The following CCDC198 variants were observed in gnomAD, a reference collection of about 807,000 sequenced individuals.
The protein encoded by CCDC198 is factor associated with metabolism and energy.
CCDC198 carries 18 observed loss-of-function variants against 35.6 expected under a neutral mutation model. The ratio of observed to expected loss-of-function variants is 0.51; its 90% CI spans 0.35 to 0.75. CCDC198 has a LOEUF of 0.75. Ranked by LOEUF, CCDC198 falls within the 30% of genes least tolerant of loss-of-function variation. The probability of loss-of-function intolerance (pLI) is 0.01; values close to 1 mark genes in which losing one functional copy is unlikely to be tolerated. For synonymous variants in CCDC198, 119 were observed against 113.4 expected (o/e 1.05, Z -0.31); for missense variants, 365 against 343.7 (o/e 1.06, Z -0.49).
intron 5 of CCDC198, among the ~76,000 whole-genome samples, chr14:57,473,922 T>A (rs956725221): frequency 6.6e-6 from 1 of 152,164 alleles, no homozygotes; most frequent in African/African-American, 2.4e-5. Flanking sequence ...ACTGCAGGAC[T>A]TTTGCACATG....
intron 2 of CCDC198, among the ~76,000 whole-genome samples, chr14:57,484,230 T>G (rs1203344689): frequency 6.6e-6 from 1 of 152,172 alleles, no homozygotes; most frequent in Non-Finnish European, 1.5e-5. Context: ...TTAGTTAAGA[T>G]GAAGTCATGC....
chr14:57,478,188 C>T lies in CCDC198; in HGVS notation c.655+2407G>A, dbSNP rs572845313. 9.8e-5 allele frequency among the ~76,000 whole-genome samples: 15 copies of T among 152,316 alleles called. 1 individual carries two copies. The highest frequency in any genetic ancestry group is 2.2e-4 in the African/African-American group (9 of 41,568). On this transcript the variant is annotated intron_variant, in intron 5 of 5. Coordinates refer to ENST00000216445, the MANE Select transcript of CCDC198 (RefSeq NM_018168.4). ...CTGCTTTAACTTTCCTTTCAGAAGT[C>T]GCAGAGTGCAGCCTTCTTTGTAAAT...
Position 57,489,788 on chromosome 14 carries a change from T to C in CCDC198, c.306+1201A>G, listed in dbSNP as rs141010336. ...ACAAATATTTTTTACTAGAGTAATA[T>C]CTTCTATTTGAACTAATCAGCTTAG... On this transcript the variant is annotated intron_variant, in intron 2 of 5. Transcript: ENST00000216445. Among the ~76,000 whole-genome samples the C allele has an allele frequency of 4.9e-4, 74 of 152,252 alleles. 1 individual carries two copies. Among genetic ancestry groups the C allele is most frequent in the African/African-American group, 1.6e-3 (67 of 41,578 alleles).
chr14:57,490,421 C>T (rs908882111), intron 2 of CCDC198, among the ~76,000 whole-genome samples: 6 of 152,056 alleles, frequency 3.9e-5, no homozygotes, highest in African/African-American at 1.2e-4. Flanking sequence ...ACATCTAGAA[C>T]AATAAAAGGT....
In CCDC198 at chr14:57,493,647, T is replaced by C; in HGVS notation, c.69A>G (p.Val23=). 6.2e-7 allele frequency: 1 copy of C among 1,613,930 alleles called. No homozygotes were observed. The highest frequency in any genetic ancestry group is 2.2e-5 in the East Asian group (1 of 44,878). The change falls in exon 1 of 6, where the codon GTA becomes GTG. Residue 23 remains valine (V), a synonymous_variant. Coordinates refer to ENST00000216445, the MANE Select transcript of CCDC198 (RefSeq NM_018168.4). ...CCACACGGCCAGCCGAGGGAGTCTC[T>C]ACCTCTTTGTTTTGCAAAGGTGCTA... ...IKVAPLQNKE[V]ETPSAGRVDF...
At chr14:57,480,232 C>T in intron 5 of CCDC198, 1 of 984,182 alleles carries the variant, frequency 1.0e-6, no homozygotes, top group Non-Finnish European at 1.2e-6. Context: ...TCTGCTGAAG[C>T]AAATTTGCCA....
chr14:57,480,551 A>G, intron 5 of CCDC198, 44 bp downstream of exon 5: 5 of 1,598,580 alleles, frequency 3.1e-6, no homozygotes, highest in Non-Finnish European at 4.3e-6. Context: ...ATGAAGTTTT[A>G]AAAACACTTG....
intron 5 of CCDC198, chr14:57,480,231 G>A: frequency 1.0e-6 from 1 of 983,642 alleles, no homozygotes. Context: ...CTCTGCTGAA[G>A]CAAATTTGCC....
intron 1 of CCDC198, 138 bp from the exon 2 acceptor site, chr14:57,491,209 G>T: frequency 1.3e-6 from 1 of 799,100 alleles, no homozygotes; most frequent in Non-Finnish European, 1.9e-6. Flanking sequence ...TGGGTTGAAT[G>T]TGGAGATGAA....
chr14:57,486,512 A>G (rs892982795), intron 2 of CCDC198, among the ~76,000 whole-genome samples: 1 of 151,804 alleles, frequency 6.6e-6, no homozygotes, highest in African/African-American at 2.4e-5. Flanking sequence ...TTCACTAGAG[A>G]TTGAGATTCA....
rs1594799514 is a variant in CCDC198, at chr14:57,482,030, C to G, written c.394-370G>C. Among the ~76,000 whole-genome samples, 3 of 152,288 alleles carry G rather than the reference C, an allele frequency of 2.0e-5. No homozygotes were observed. The East Asian group carries it at 5.8e-4, about 29-fold the overall frequency. On this transcript the variant is annotated intron_variant, in intron 3 of 5. Coordinates refer to ENST00000216445, the MANE Select transcript of CCDC198 (RefSeq NM_018168.4). ...GAGGAAACCTTTCTTTTTCTCCCTG[C>G]CTCTTTTACCATTGAGTAATTGGCT... is the stretch of plus-strand genomic sequence containing the variant.
chr14:57,489,765 A>C (rs992666018), intron 2 of CCDC198, among the ~76,000 whole-genome samples: 2 of 152,156 alleles, frequency 1.3e-5, no homozygotes, highest in Admixed American at 1.3e-4. Context: ...AGTACTAGAC[A>C]AATATTTTTT....
At chr14:57,493,105 A>G (rs916017936) in intron 1 of CCDC198, among the ~76,000 whole-genome samples, 1 of 152,288 alleles carries the variant, frequency 6.6e-6, no homozygotes, top group South Asian at 2.1e-4. Flanking sequence ...ATTAAACTAT[A>G]CTGGAGAGAA....
At chr14:57,488,680 G>T in intron 2 of CCDC198, among the ~76,000 whole-genome samples, 1 of 151,906 alleles carries the variant, frequency 6.6e-6, no homozygotes, top group East Asian at 1.9e-4. Context: ...AAATTTACAA[G>T]GAAAAAACAA....
intron 2 of CCDC198, among the ~76,000 whole-genome samples, chr14:57,489,785 A>G (rs1262703961): frequency 6.6e-6 from 1 of 152,266 alleles, no homozygotes; most frequent in Middle Eastern, 3.4e-3. Flanking sequence ...TACTAGAGTA[A>G]TATCTTCTAT....
intron 5 of CCDC198, among the ~76,000 whole-genome samples, chr14:57,472,743 G>T (rs1257865548): frequency 6.6e-6 from 1 of 152,124 alleles, no homozygotes; most frequent in East Asian, 1.9e-4. Flanking sequence ...ATTTACCTTA[G>T]TTTTTTATTT....
intron 5 of CCDC198, 51 bp downstream of exon 5, chr14:57,480,544 A>G (rs914030356): frequency 6.3e-7 from 1 of 1,591,476 alleles, no homozygotes; most frequent in African/African-American, 1.4e-5. Flanking sequence ...TTATTTGATG[A>G]AGTTTTAAAA....
chr14:57,483,789 T>G (rs2067266600), intron 2 of CCDC198, among the ~76,000 whole-genome samples: 2 of 152,024 alleles, frequency 1.3e-5, no homozygotes, highest in African/African-American at 4.8e-5. Flanking sequence ...CACTGAGAAG[T>G]GATCAAGCAG....
At position 57,490,189 on chromosome 14, in the gene CCDC198, G is replaced by A. The variant is rs941602372; in HGVS notation, c.306+800C>T. Among the ~76,000 whole-genome samples the A allele has an allele frequency of 2.0e-5, 3 of 152,094 alleles. No homozygotes were observed. The South Asian group carries it at 6.2e-4, about 32-fold the overall frequency. On this transcript the variant is annotated intron_variant, in intron 2 of 5. Coordinates refer to ENST00000216445, the MANE Select transcript of CCDC198 (RefSeq NM_018168.4). ...TAGCAGGTGGGATTTGGCTTCAAAT[G>A]TCAGTGATAGATCCTGCTCACAAGA...
Sources: gnomAD v4.1 joint callset for allele counts (sites outside exome capture counted in the v4.1 genomes callset) on GRCh38, gnomAD v4.1.1 for gene constraint, MANE v1.5 for transcripts, NCBI Gene and HGNC (gene_info 2026-07-23, HGNC 2026-07-21) for gene names.